UGGT2: variants seen among roughly 807,000 people sequenced by gnomAD.
The protein encoded by UGGT2 is UDP-glucose glycoprotein glucosyltransferase 2.
Under a neutral mutation model 192.1 loss-of-function variants are expected in UGGT2, and 180 were observed. The observed-to-expected ratio is 0.94, with a 90% CI of 0.83 to 1.06. The LOEUF (loss-of-function observed/expected upper bound fraction) is 1.06, where lower values mean the gene tolerates loss of function less well. Ranked by LOEUF, UGGT2 falls within the 50% of genes least tolerant of loss-of-function variation. The pLI, the probability that UGGT2 is intolerant of heterozygous loss-of-function variation, is 0.00. For missense variants in UGGT2, 1,849 were observed against 1,795.7 expected (o/e 1.03, Z -0.54); for synonymous variants, 580 against 591.0 (o/e 0.98, Z 0.27).
chr13:95,868,552 C>T (rs143528609), intron 29 of UGGT2, among the ~76,000 whole-genome samples: 120 of 152,172 alleles, frequency 7.9e-4, no homozygotes, highest in African/African-American at 2.5e-3. Flanking sequence ...ACCTGTGAGC[C>T]GTGATTGTGC....
chr13:95,930,382 G>A (rs753295085), intron 17 of UGGT2, among the ~76,000 whole-genome samples: 3 of 151,948 alleles, frequency 2.0e-5, no homozygotes, highest in Non-Finnish European at 2.9e-5. Flanking sequence ...TTTTCTTCTA[G>A]AATTCTTATA....
In UGGT2 at chr13:95,831,266, T is replaced by C. The variant is rs147868369; in HGVS notation, c.4528+1661A>G. Among the ~76,000 whole-genome samples the C allele has an allele frequency of 1.7e-3, 258 of 152,142 alleles. 3 individuals carry two copies. In the East Asian group the frequency reaches 0.022, roughly 13 times the overall value. On this transcript the variant is annotated intron_variant, in intron 38 of 38. Coordinates refer to ENST00000376747, the MANE Select transcript of UGGT2 (RefSeq NM_020121.4). ...CATTGTGCACATATACCCTAGAACT[T>C]AAAGTATAATAATAATAAAAAAAAA... is the stretch of plus-strand genomic sequence containing the variant.
At chr13:95,953,570 A>T (rs1256730536) in intron 12 of UGGT2, among the ~76,000 whole-genome samples, 2 of 152,198 alleles carry the variant, frequency 1.3e-5, no homozygotes, top group Non-Finnish European at 2.9e-5. Flanking sequence ...AAATAAAGGT[A>T]GAGGTTAATT....
intron 8 of UGGT2, among the ~76,000 whole-genome samples, chr13:95,986,926 T>C (rs2051307862): frequency 6.6e-6 from 1 of 152,176 alleles, no homozygotes; most frequent in Non-Finnish European, 1.5e-5. Context: ...TTATCTGATA[T>C]GACAATCCTA....
intron 4 of UGGT2, among the ~76,000 whole-genome samples, chr13:96,019,026 A>G (rs569679371): frequency 1.9e-4 from 29 of 151,354 alleles, no homozygotes; most frequent in African/African-American, 7.0e-4. Context: ...AGAAAAAAAA[A>G]CCATTGACCA....
At chr13:95,915,663 G>A (rs2048658675) in intron 20 of UGGT2, among the ~76,000 whole-genome samples, 1 of 152,214 alleles carries the variant, frequency 6.6e-6, no homozygotes, top group Non-Finnish European at 1.5e-5. Context: ...CCGGGGGAGG[G>A]TGGCCACCAT....
chr13:95,867,188 CTCT>C (rs1420831811), intron 30 of UGGT2, 148 bp downstream of exon 30: 2 of 673,312 alleles, frequency 3.0e-6, no homozygotes, highest in East Asian at 3.3e-5. Flanking sequence ...GAACTTAATC[CTCT>C]TCTTTTTTTA....
At chr13:95,993,322 C>T (rs997099781) in intron 7 of UGGT2, among the ~76,000 whole-genome samples, 1 of 152,090 alleles carries the variant, frequency 6.6e-6, no homozygotes, top group Non-Finnish European at 1.5e-5. Context: ...CATTCATACC[C>T]CTAACCTCAG....
At chr13:95,953,660 A>G (rs764551004) in intron 12 of UGGT2, among the ~76,000 whole-genome samples, 1 of 152,196 alleles carries the variant, frequency 6.6e-6, no homozygotes, top group Non-Finnish European at 1.5e-5. Context: ...TCTACTCTGA[A>G]TATTTTATAT....
In UGGT2 at chr13:95,914,453, A is replaced by T. The variant is rs569908644; in HGVS notation, c.2295+11227T>A. Among the ~76,000 whole-genome samples, 3 of 151,996 alleles carry T rather than the reference A, an allele frequency of 2.0e-5. No homozygotes were observed. In the East Asian group the frequency reaches 5.8e-4, roughly 29 times the overall value. ...TTTTGTTTTGACTTCAGTATGTTTG[A>T]TATATAGAAAGGATAATTAATAGAA... is the stretch of plus-strand genomic sequence containing the variant. On this transcript the variant is annotated intron_variant, in intron 20 of 38. Transcript: ENST00000376747.
At chr13:96,021,083 T>C (rs1410706160) in intron 4 of UGGT2, among the ~76,000 whole-genome samples, 4 of 152,164 alleles carry the variant, frequency 2.6e-5, no homozygotes, top group African/African-American at 7.2e-5. Flanking sequence ...CACTGTTTTA[T>C]AGTAAGCAAT....
intron 2 of UGGT2, among the ~76,000 whole-genome samples, chr13:96,029,220 A>G (rs1226397374): frequency 6.6e-6 from 1 of 152,206 alleles, no homozygotes; most frequent in Non-Finnish European, 1.5e-5. Flanking sequence ...GTCAGCAATA[A>G]TATCACCACA....
intron 10 of UGGT2, 94 bp downstream of exon 10, chr13:95,983,710 T>C: frequency 5.2e-6 from 5 of 965,102 alleles, no homozygotes; most frequent in Non-Finnish European, 7.7e-6. Flanking sequence ...AAGCACAAAT[T>C]ACTATTTCCT....
Position 95,890,912 on chromosome 13 carries a change from T to C in UGGT2, c.2908A>G (p.Ile970Val). The C allele has an allele frequency of 1.2e-6, 2 of 1,613,004 alleles. No homozygotes were observed. Among genetic ancestry groups the C allele is most frequent in the South Asian group, 2.2e-5 (2 of 90,998 alleles). ...ENDMFFNVIA[I>V]VDPLTREAQK... ...GCTTCTCTTGTTAATGGATCAACAATAGCAATGACATTGAAGAACATATCA... is the reference window on the plus strand; with the variant it reads ...GCTTCTCTTGTTAATGGATCAACAACAGCAATGACATTGAAGAACATATCA... The change falls in exon 25 of 39, where the codon ATT (isoleucine) becomes GTT (valine). Residue 970 changes from isoleucine to valine, a missense_variant. Ile to Val is a conservative substitution (Grantham distance 29). Transcript: ENST00000376747.
intron 7 of UGGT2, 68 bp downstream of exon 7, chr13:95,995,995 T>C: frequency 7.6e-7 from 1 of 1,319,038 alleles, no homozygotes; most frequent in Middle Eastern, 2.0e-4. Flanking sequence ...GGCAAAACAG[T>C]ATATCAAATT....
chr13:95,870,683 TG>T lies in UGGT2; in HGVS notation c.3474-3261del, dbSNP rs536251662. Among the ~76,000 whole-genome samples, 12 of 152,306 alleles carry T rather than the reference TG, an allele frequency of 7.9e-5. No individual in the cohort carries two copies. In the East Asian group the frequency reaches 2.3e-3, roughly 29 times the overall value. On this transcript the variant is annotated intron_variant, in intron 29 of 38. Transcript: ENST00000376747. ...GCTCCGCCAGTCCTTCCCAATACGA[TG>T]TAAAAGCATCCAATTGCTTGTGTTA...
chr13:95,998,431 T>C (rs1189403396), intron 6 of UGGT2, among the ~76,000 whole-genome samples: 26 of 152,168 alleles, frequency 1.7e-4, no homozygotes, highest in Admixed American at 1.6e-3. Context: ...AATACGATCT[T>C]TATCTGAAGC....
intron 38 of UGGT2, among the ~76,000 whole-genome samples, chr13:95,805,651 A>C (rs1206838129): frequency 6.6e-6 from 1 of 152,206 alleles, no homozygotes; most frequent in Non-Finnish European, 1.5e-5. Flanking sequence ...AATCTTGACA[A>C]TATTATGCTG....
intron 38 of UGGT2, among the ~76,000 whole-genome samples, chr13:95,820,187 C>CT (rs1221772017): frequency 5.9e-5 from 9 of 151,648 alleles, no homozygotes; most frequent in Admixed American, 3.9e-4. Context: ...GAAACAAAGA[C>CT]TTTTTTTTAA....
Sources: gnomAD v4.1 joint callset for allele counts (sites outside exome capture counted in the v4.1 genomes callset) on GRCh38, gnomAD v4.1.1 for gene constraint, MANE v1.5 for transcripts, NCBI Gene and HGNC (gene_info 2026-07-23, HGNC 2026-07-21) for gene names.